PXDNL: variants seen among roughly 807,000 people sequenced by gnomAD.
PXDNL encodes probable oxidoreductase PXDNL.
A neutral mutation model predicts 150.8 loss-of-function variants in PXDNL; 145 were observed. That is an observed-to-expected ratio of 0.96 (90% CI 0.84 to 1.10). The LOEUF is 1.10. Ranked by LOEUF, PXDNL falls within the 50% of genes least tolerant of loss-of-function variation. PXDNL has a pLI of 0.00. For synonymous variants in PXDNL, 757 were observed against 725.7 expected (o/e 1.04, Z -0.69); for missense variants, 2,087 against 1,873.9 (o/e 1.11, Z -2.10).
chr8:51,319,977 AG>A lies in PXDNL; in HGVS notation c.4305del (p.Cys1436ValfsTer7). On this transcript the variant is annotated frameshift_variant, in exon 23 of 23. Coordinates refer to ENST00000356297, the MANE Select transcript of PXDNL (RefSeq NM_144651.5). LOFTEE classifies it low-confidence loss of function (END_TRUNC). ...TCVVEICPPA[P>X]CPSPELVKGT... ...CCTTTCACCAATTCAGGACTGGGAC[AG>A]GGAGCCGGGGGACAAATCTCCACCA... The A allele has an allele frequency of 6.3e-7, 1 of 1,576,348 alleles. No individual in the cohort carries two copies. The highest frequency in any genetic ancestry group is 8.6e-7 in the Non-Finnish European group (1 of 1,161,726).
At chr8:51,524,202 G>A (rs4598242) in intron 4 of PXDNL, among the ~76,000 whole-genome samples, 81,120 of 152,026 alleles carry the variant, frequency 0.53, 23,471 homozygotes, top group Non-Finnish European at 0.65. Context: ...TGTTACATAC[G>A]CTCCCTAACA....
chr8:51,698,156 A>T (rs1426579902), intron 1 of PXDNL, among the ~76,000 whole-genome samples: 2 of 152,196 alleles, frequency 1.3e-5, no homozygotes, highest in Non-Finnish European at 2.9e-5. Flanking sequence ...ACGATTCCTC[A>T]AAATAATTCA....
At chr8:51,618,752 C>A (rs538738444) in intron 2 of PXDNL, among the ~76,000 whole-genome samples, 1 of 152,298 alleles carries the variant, frequency 6.6e-6, no homozygotes, top group Non-Finnish European at 1.5e-5. Context: ...AATCCCAGAT[C>A]CAGGTCCACC....
In PXDNL at chr8:51,790,121, T is replaced by A. The variant is rs148478293; in HGVS notation, c.164+19060A>T. Reference sequence around the variant, plus strand: ...TTTAAAAGGGGAAAAAAGCACAGTATGACTGTATGGGAAAAGAAAACAAAA... The same window carrying A: ...TTTAAAAGGGGAAAAAAGCACAGTAAGACTGTATGGGAAAAGAAAACAAAA... On this transcript the variant is annotated intron_variant, in intron 1 of 22. Transcript: ENST00000356297. 7.4e-3 allele frequency among the ~76,000 whole-genome samples: 1,124 copies of A among 152,196 alleles called. 10 individuals carry two copies. The highest frequency in any genetic ancestry group is 0.026 in the African/African-American group (1,059 of 41,512).
At chr8:51,491,346 A>G (rs1810890828) in intron 5 of PXDNL, among the ~76,000 whole-genome samples, 1 of 152,186 alleles carries the variant, frequency 6.6e-6, no homozygotes. Context: ...CAAAGAATAT[A>G]AAAGAGAAAT....
intron 5 of PXDNL, among the ~76,000 whole-genome samples, chr8:51,491,964 C>T (rs1350829639): frequency 6.6e-6 from 1 of 152,186 alleles, no homozygotes; most frequent in African/African-American, 2.4e-5. Flanking sequence ...AACACACTTT[C>T]CTACCTCATT....
intron 1 of PXDNL, among the ~76,000 whole-genome samples, chr8:51,675,275 T>C (rs1815589665): frequency 6.6e-6 from 1 of 152,204 alleles, no homozygotes; most frequent in Admixed American, 6.5e-5. Context: ...GCTCCTCTTT[T>C]GTGGATGAGA....
Position 51,449,041 on chromosome 8 carries a change from C to T in PXDNL, c.1327G>A (p.Asp443Asn). The T allele has an allele frequency of 6.4e-7, 1 of 1,552,608 alleles. No homozygotes were observed. The highest frequency in any genetic ancestry group is 8.7e-7 in the Non-Finnish European group (1 of 1,147,352). Residue 443 changes from aspartate to asparagine, a missense_variant, in exon 11 of 23, where the codon GAC becomes AAC. Coordinates refer to ENST00000356297, the MANE Select transcript of PXDNL (RefSeq NM_144651.5). ...ACAATAACAGGAGGTGGGTTGCCGTCAGCTTCACAGAGCCACTCTACAGCA... is the reference window on the plus strand; with the variant it reads ...ACAATAACAGGAGGTGGGTTGCCGTTAGCTTCACAGAGCCACTCTACAGCA... Reference protein sequence around the residue: ...EHAVEWLCEADGNPPPVIVWT... With the variant: ...EHAVEWLCEANGNPPPVIVWT...
intron 1 of PXDNL, among the ~76,000 whole-genome samples, chr8:51,710,626 T>C (rs1816479545): frequency 6.6e-6 from 1 of 152,206 alleles, no homozygotes; most frequent in African/African-American, 2.4e-5. Flanking sequence ...TAGCCGCCAT[T>C]CTGCTCTCTG....
At chr8:51,488,852 G>T (rs11784863) in intron 5 of PXDNL, among the ~76,000 whole-genome samples, 48,708 of 151,928 alleles carry the variant, frequency 0.32, 8,690 homozygotes, top group African/African-American at 0.47. Flanking sequence ...AATGCCAGAA[G>T]AAACAGGGAA....
chr8:51,335,665 T>C (rs1308584752), intron 21 of PXDNL, among the ~76,000 whole-genome samples: 6 of 148,136 alleles, frequency 4.1e-5, no homozygotes, highest in African/African-American at 1.3e-4. Flanking sequence ...TCTCATCTCA[T>C]TGTTCATTAT....
chr8:51,642,418 T>C (rs1404706389), intron 2 of PXDNL, among the ~76,000 whole-genome samples: 10 of 151,996 alleles, frequency 6.6e-5, no homozygotes. Context: ...ATCCAGCATA[T>C]AAACAGAACC....
chr8:51,781,463 G>A (rs2037414370), intron 1 of PXDNL, among the ~76,000 whole-genome samples: 1 of 152,194 alleles, frequency 6.6e-6, no homozygotes, highest in Admixed American at 6.5e-5. Flanking sequence ...CACAATGCAT[G>A]GAGATACATC....
chr8:51,441,019 A>G (rs1809533384), intron 12 of PXDNL, among the ~76,000 whole-genome samples: 1 of 152,288 alleles, frequency 6.6e-6, no homozygotes, highest in South Asian at 2.1e-4. Flanking sequence ...CCCCACCCAC[A>G]TCTCACTTTG....
intron 1 of PXDNL, among the ~76,000 whole-genome samples, chr8:51,744,028 GGGAAGGAAGGAAGGAAGGAA>G (rs1256286465): frequency 5.7e-4 from 36 of 63,314 alleles, no homozygotes; most frequent in South Asian, 1.5e-3. Flanking sequence ...AAGAAGAAGA[GGGAAGGAAGGAAGGAAGGAA>G]GGAAGGAAGG....
rs377215903 is a variant in PXDNL at position 51,447,172 on chromosome 8, G to C, written c.1367-10C>G. On this transcript the variant is annotated splice_polypyrimidine_tract_variant and intron_variant, in intron 11 of 22. Coordinates refer to ENST00000356297, the MANE Select transcript of PXDNL (RefSeq NM_144651.5). ...ACAGGGAGCTGCCCTCCTGCAAAAA[G>C]AGGTAAAGAAAGTATTCTTCATGGC... is the stretch of plus-strand genomic sequence containing the variant. 1.2e-6 allele frequency: 2 copies of C among 1,612,610 alleles called. No homozygotes were observed. The highest frequency in any genetic ancestry group is 2.7e-5 in the African/African-American group (2 of 74,844).
chr8:51,501,531 C>T (rs1034083477), intron 4 of PXDNL, among the ~76,000 whole-genome samples: 1 of 151,890 alleles, frequency 6.6e-6, no homozygotes, highest in African/African-American at 2.4e-5. Flanking sequence ...CACATACACT[C>T]TCACATACAC....
intron 17 of PXDNL, among the ~76,000 whole-genome samples, chr8:51,377,079 C>T (rs1385241563): frequency 6.8e-6 from 1 of 147,166 alleles, no homozygotes; most frequent in Non-Finnish European, 1.5e-5. Flanking sequence ...ATGTCACCAT[C>T]AAATCTGAAG....
chr8:51,523,058 T>C (rs1269209694), intron 4 of PXDNL, among the ~76,000 whole-genome samples: 3 of 152,202 alleles, frequency 2.0e-5, no homozygotes, highest in African/African-American at 4.8e-5. Context: ...ATTTTAATGA[T>C]AGTTTAAAAT....
Sources: allele counts gnomAD v4.1 joint callset (sites outside exome capture counted in the v4.1 genomes callset), GRCh38; gene constraint gnomAD v4.1.1; transcripts MANE v1.5; gene names NCBI Gene and HGNC (gene_info 2026-07-23, HGNC 2026-07-21).